Variants in ROBO1 observed in about 807,000 individuals in gnomAD.
ROBO1 encodes the protein roundabout guidance receptor 1.
In ROBO1, 149 loss-of-function variants were observed where a neutral mutation model predicts 195.9. That is an observed-to-expected ratio of 0.76 (90% CI 0.67 to 0.87). The LOEUF (loss-of-function observed/expected upper bound fraction) is 0.87, where lower values mean the gene tolerates loss of function less well. Among genes scored for constraint, ROBO1 ranks in the 40% least tolerant of loss-of-function variants. The probability of loss-of-function intolerance (pLI) is 0.00; values close to 1 mark genes in which losing one functional copy is unlikely to be tolerated. For missense variants in ROBO1, 1,933 were observed against 2,068.3 expected (o/e 0.93, Z 1.27); for synonymous variants, 816 against 733.2 (o/e 1.11, Z -1.82).
At chr3:78,882,017 T>G (rs2107264439) in intron 4 of ROBO1, among the ~76,000 whole-genome samples, 1 of 152,286 alleles carries the variant, frequency 6.6e-6, no homozygotes, top group Non-Finnish European at 1.5e-5. Context: ...GATGTTTATG[T>G]ACCTTGGAGC....
intron 3 of ROBO1, among the ~76,000 whole-genome samples, chr3:79,078,828 G>C (rs1169024377): frequency 6.6e-6 from 1 of 151,774 alleles, no homozygotes; most frequent in East Asian, 1.9e-4. Flanking sequence ...AGTGAAGCTA[G>C]ATTCAAGATC....
At chr3:78,671,454 T>C (rs1447564467) in intron 10 of ROBO1, among the ~76,000 whole-genome samples, 1 of 152,116 alleles carries the variant, frequency 6.6e-6, no homozygotes, top group Non-Finnish European at 1.5e-5. Context: ...TCAGAGTAAC[T>C]AAATTTTGGA....
intron 3 of ROBO1, among the ~76,000 whole-genome samples, chr3:79,041,560 C>A (rs1252808642): frequency 6.6e-6 from 1 of 151,716 alleles, no homozygotes; most frequent in Non-Finnish European, 1.5e-5. Flanking sequence ...ATTATTTTCT[C>A]TTCTCAAAGC....
At chr3:78,824,174 CAT>C (rs751563303) in intron 4 of ROBO1, among the ~76,000 whole-genome samples, 2 of 152,142 alleles carry the variant, frequency 1.3e-5, no homozygotes, top group Non-Finnish European at 2.9e-5. Flanking sequence ...ATGAGCACGA[CAT>C]GTGAGTTTCC....
At chr3:79,601,221 A>G (rs1015844618) in intron 1 of ROBO1, among the ~76,000 whole-genome samples, 1 of 152,060 alleles carries the variant, frequency 6.6e-6, no homozygotes, top group African/African-American at 2.4e-5. Flanking sequence ...CCAACAGTGC[A>G]GAGGCAGGAA....
chr3:79,261,166 T>C (rs1302430972), intron 2 of ROBO1, among the ~76,000 whole-genome samples: 3 of 152,114 alleles, frequency 2.0e-5, no homozygotes, highest in East Asian at 1.9e-4. Flanking sequence ...AGGAACATAG[T>C]ATTTTTTTTG....
At chr3:78,779,057 A>C (rs771231509) in intron 4 of ROBO1, among the ~76,000 whole-genome samples, 1 of 152,204 alleles carries the variant, frequency 6.6e-6, no homozygotes, top group Admixed American at 6.5e-5. Flanking sequence ...AGCCATATGC[A>C]GAAAACTGAA....
At chr3:79,617,622 G>A (rs1224224339) in intron 1 of ROBO1, among the ~76,000 whole-genome samples, 2 of 151,934 alleles carry the variant, frequency 1.3e-5, no homozygotes, top group Non-Finnish European at 2.9e-5. Context: ...CAGATGAGAA[G>A]GAATCAGAGT....
chr3:79,354,464 C>T (rs530874656), intron 2 of ROBO1, among the ~76,000 whole-genome samples: 1 of 152,280 alleles, frequency 6.6e-6, no homozygotes, highest in Non-Finnish European at 1.5e-5. Context: ...TACTTTGTAT[C>T]CCTATCATTC....
intron 2 of ROBO1, among the ~76,000 whole-genome samples, chr3:79,173,717 G>A (rs2081211037): frequency 6.6e-6 from 1 of 152,190 alleles, no homozygotes. Context: ...GGCACAGGGT[G>A]CAGGACCGGC....
At chr3:79,437,048 C>G (rs77016383) in intron 2 of ROBO1, among the ~76,000 whole-genome samples, 4 of 151,972 alleles carry the variant, frequency 2.6e-5, no homozygotes, top group African/African-American at 9.7e-5. Flanking sequence ...AAACATGCAT[C>G]GTAACGGTTA....
intron 2 of ROBO1, among the ~76,000 whole-genome samples, chr3:79,422,985 G>A (rs1036338009): frequency 9.2e-6 from 1 of 108,626 alleles, no homozygotes; most frequent in Non-Finnish European, 1.9e-5. Flanking sequence ...TTCCACTACT[G>A]TATAGAAAAA....
At chr3:78,922,817 C>T (rs987973613) in intron 4 of ROBO1, among the ~76,000 whole-genome samples, 1 of 151,884 alleles carries the variant, frequency 6.6e-6, no homozygotes, top group Non-Finnish European at 1.5e-5. Context: ...ACCATAGTCT[C>T]GAACTCCTGA....
chr3:78,999,937 A>G (rs1382443552), intron 3 of ROBO1, among the ~76,000 whole-genome samples: 1 of 152,260 alleles, frequency 6.6e-6, no homozygotes, highest in East Asian at 1.9e-4. Flanking sequence ...TGACCCTAGT[A>G]GGAAGTACAT....
intron 2 of ROBO1, among the ~76,000 whole-genome samples, chr3:79,376,667 C>G (rs914759121): frequency 6.6e-6 from 1 of 152,120 alleles, no homozygotes; most frequent in Non-Finnish European, 1.5e-5. Context: ...CCACCATGAT[C>G]GTGAGGCCTC....
chr3:78,811,996 G>A (rs1051703393), intron 4 of ROBO1, among the ~76,000 whole-genome samples: 24 of 152,082 alleles, frequency 1.6e-4, no homozygotes, highest in African/African-American at 5.1e-4. Context: ...TAATGTTACG[G>A]TGGAATCGTT....
At chr3:79,018,545 C>T in intron 3 of ROBO1, 1 of 1,586,338 alleles carries the variant, frequency 6.3e-7, no homozygotes, top group Non-Finnish European at 8.6e-7. Flanking sequence ...AGCCACACAC[C>T]ACACACAAAG....
intron 2 of ROBO1, among the ~76,000 whole-genome samples, chr3:79,406,586 G>GGTGT (rs146681897): frequency 2.6e-5 from 4 of 151,168 alleles, no homozygotes; most frequent in Admixed American, 2.6e-4. Context: ...ATGTGTGTGT[G>GGTGT]GTGTGTGTGT....
intron 1 of ROBO1, among the ~76,000 whole-genome samples, chr3:79,611,603 T>C (rs1373024807): frequency 6.6e-6 from 1 of 152,108 alleles, no homozygotes; most frequent in Non-Finnish European, 1.5e-5. Context: ...TGGATGAAGC[T>C]GGAAACCATC....
Sources: gnomAD v4.1 joint callset for allele counts (sites outside exome capture counted in the v4.1 genomes callset) on GRCh38, gnomAD v4.1.1 for gene constraint, MANE v1.5 for transcripts, NCBI Gene and HGNC (gene_info 2026-07-23, HGNC 2026-07-21) for gene names.